DPP10: variants seen among roughly 807,000 people sequenced by gnomAD.
The protein encoded by DPP10 is inactive dipeptidyl peptidase 10.
A neutral mutation model predicts 120.9 loss-of-function variants in DPP10; 33 were observed. That is an observed-to-expected ratio of 0.27 (90% CI 0.21 to 0.37). The LOEUF (loss-of-function observed/expected upper bound fraction) is 0.37. Ranked by LOEUF, DPP10 falls within the 10% of genes least tolerant of loss-of-function variation. The pLI is 1.00. For missense variants in DPP10, 816 were observed against 942.8 expected (o/e 0.87, Z 1.76); for synonymous variants, 337 against 326.1 (o/e 1.03, Z -0.36).
At chr2:115,341,827 A>G (rs985300728) in intron 2 of DPP10, among the ~76,000 whole-genome samples, 4 of 151,904 alleles carry the variant, frequency 2.6e-5, no homozygotes, top group Non-Finnish European at 5.9e-5. Context: ...AAATGTATCT[A>G]TTTAGCCATT....
At chr2:115,727,105 A>G (rs1263124508) in intron 7 of DPP10, among the ~76,000 whole-genome samples, 1 of 152,112 alleles carries the variant, frequency 6.6e-6, no homozygotes, top group Non-Finnish European at 1.5e-5. Context: ...ACATTGTGAC[A>G]TTGTTTAGTT....
At chr2:115,826,530 G>T (rs1688337016) in intron 21 of DPP10, among the ~76,000 whole-genome samples, 1 of 151,926 alleles carries the variant, frequency 6.6e-6, no homozygotes, top group Admixed American at 6.6e-5. Flanking sequence ...AGACCAGCCT[G>T]GCCAACGTGG....
chr2:115,243,299 C>T (rs541418216), intron 1 of DPP10, among the ~76,000 whole-genome samples: 2 of 152,140 alleles, frequency 1.3e-5, no homozygotes, highest in South Asian at 4.2e-4. Context: ...GCCCATTAAC[C>T]CTACTGACTG....
At chr2:115,258,929 A>G (rs933230162) in intron 1 of DPP10, among the ~76,000 whole-genome samples, 1 of 152,232 alleles carries the variant, frequency 6.6e-6, no homozygotes, top group Non-Finnish European at 1.5e-5. Flanking sequence ...TTACATATTT[A>G]TCTTACCAAT....
intron 1 of DPP10, among the ~76,000 whole-genome samples, chr2:114,585,402 GGGCTCATGT>G (rs1690876287): frequency 6.6e-6 from 1 of 152,122 alleles, no homozygotes; most frequent in Non-Finnish European, 1.5e-5. Context: ...CAGACTTGAA[GGGCTCATGT>G]GATTAGTCCA....
chr2:115,695,831 A>G (rs2091554642), intron 7 of DPP10, among the ~76,000 whole-genome samples: 1 of 152,188 alleles, frequency 6.6e-6, no homozygotes, highest in Admixed American at 6.5e-5. Context: ...CCCAACATCA[A>G]GAAATAATGG....
chr2:114,785,720 A>T (rs1682709769), intron 1 of DPP10, among the ~76,000 whole-genome samples: 1 of 152,174 alleles, frequency 6.6e-6, no homozygotes, highest in Non-Finnish European at 1.5e-5. Context: ...CACCCTGGAA[A>T]CAGACAGTCT....
At position 115,814,824 on chromosome 2, in the gene DPP10, G is replaced by C. The variant is rs1193696396; in HGVS notation, c.1732G>C (p.Asp578His). 1.3e-6 allele frequency: 2 copies of C among 1,577,794 alleles called. No homozygotes were observed. The highest frequency in any genetic ancestry group is 1.7e-6 in the Non-Finnish European group (2 of 1,153,522). The change falls in exon 20 of 26, where the codon GAT becomes CAT. Residue 578 changes from aspartate (D) to histidine (H), a missense_variant. This residue lies in a region of DPP10 where 592 missense variants were observed against 649.0 expected (regional missense o/e 0.91). Transcript: ENST00000410059. The stretch of plus-strand genomic sequence containing the variant: ...AGAACCAGGAGGCCAGCTGGTTACA[G>C]ATAAGTTCCATATTGACTGGGATTC... ...DEEPGGQLVT[D>H]KFHIDWDSVL...
At chr2:114,915,878 A>T (rs1694763141) in intron 1 of DPP10, among the ~76,000 whole-genome samples, 1 of 152,216 alleles carries the variant, frequency 6.6e-6, no homozygotes, top group Admixed American at 6.5e-5. Flanking sequence ...AAATGCCTAC[A>T]TCAAAATGTC....
intron 1 of DPP10, among the ~76,000 whole-genome samples, chr2:115,251,616 T>C (rs2105671147): frequency 6.6e-6 from 1 of 152,256 alleles, no homozygotes; most frequent in East Asian, 1.9e-4. Context: ...AATTACTTAT[T>C]AGGAAAAGTA....
At chr2:114,610,740 G>A (rs529871106) in intron 1 of DPP10, among the ~76,000 whole-genome samples, 2 of 152,138 alleles carry the variant, frequency 1.3e-5, no homozygotes, top group East Asian at 3.9e-4. Context: ...TATTTTCTCC[G>A]GGCTCAGTCT....
intron 1 of DPP10, among the ~76,000 whole-genome samples, chr2:114,619,172 G>A (rs746260199): frequency 3.9e-5 from 6 of 151,994 alleles, no homozygotes; most frequent in Non-Finnish European, 7.4e-5. Context: ...GGATTATGAT[G>A]AGGAAACAGG....
At chr2:115,789,084 C>T (rs996569062) in intron 17 of DPP10, among the ~76,000 whole-genome samples, 1 of 151,512 alleles carries the variant, frequency 6.6e-6, no homozygotes, top group African/African-American at 2.4e-5. Context: ...CACCACTGCA[C>T]TCGAGCCTGG....
intron 1 of DPP10, among the ~76,000 whole-genome samples, chr2:114,764,235 A>G (rs1038570012): frequency 1.3e-5 from 2 of 150,126 alleles, no homozygotes; most frequent in African/African-American, 4.9e-5. Context: ...AGTGCTTGAC[A>G]TAGCTCACTG....
At chr2:114,546,290 C>T (rs1402630592) in intron 1 of DPP10, among the ~76,000 whole-genome samples, 3 of 152,120 alleles carry the variant, frequency 2.0e-5, no homozygotes, top group Non-Finnish European at 4.4e-5. Flanking sequence ...GGAGCAGGTA[C>T]ATGACTTGGT....
At chr2:115,003,353 G>A (rs1232827314) in intron 1 of DPP10, among the ~76,000 whole-genome samples, 1 of 151,988 alleles carries the variant, frequency 6.6e-6, no homozygotes, top group Non-Finnish European at 1.5e-5. Context: ...AGAGTCTGGG[G>A]CCTACTTGCG....
intron 1 of DPP10, chr2:115,161,828 T>A: frequency 1.2e-4 from 65 of 536,942 alleles, no homozygotes; most frequent in East Asian, 1.8e-4. Flanking sequence ...GCCCCTCCGC[T>A]CCCCCCACCC....
At chr2:114,616,554 A>C (rs1693691302) in intron 1 of DPP10, among the ~76,000 whole-genome samples, 1 of 152,134 alleles carries the variant, frequency 6.6e-6, no homozygotes, top group African/African-American at 2.4e-5. Context: ...CCTCAGAAAC[A>C]CTTAGGAGAA....
At chr2:115,516,352 T>G (rs2077501558) in intron 4 of DPP10, among the ~76,000 whole-genome samples, 1 of 152,130 alleles carries the variant, frequency 6.6e-6, no homozygotes, top group African/African-American at 2.4e-5. Context: ...ACCAGGGATG[T>G]AAATCTAAAA....
Sources: allele counts gnomAD v4.1 joint callset (sites outside exome capture counted in the v4.1 genomes callset), GRCh38; gene constraint gnomAD v4.1.1; regional missense constraint gnomAD v4.1.1; transcripts MANE v1.5; gene names NCBI Gene and HGNC (gene_info 2026-07-23, HGNC 2026-07-21).